POU2F1: variants seen among roughly 807,000 people sequenced by gnomAD.
POU2F1 encodes POU domain, class 2, transcription factor 1.
In POU2F1, 16 loss-of-function variants were observed where a neutral mutation model predicts 84.9. The ratio of observed to expected loss-of-function variants is 0.19; its 90% CI spans 0.13 to 0.29. The LOEUF (loss-of-function observed/expected upper bound fraction) is 0.29. POU2F1 is among the 10% of genes least tolerant of loss of function. POU2F1 has a pLI of 1.00. For synonymous variants in POU2F1, 368 were observed against 368.3 expected, an observed-to-expected ratio of 1.00 and a Z score of 0.01; for missense variants, 738 against 942.6, an observed-to-expected ratio of 0.78 and a Z score of 2.84.
chr1:167,353,564 C>T (rs1034803144), intron 2 of POU2F1, among the ~76,000 whole-genome samples: 2 of 152,084 alleles, frequency 1.3e-5, no homozygotes, highest in African/African-American at 4.8e-5. Flanking sequence ...CCCTATCTGC[C>T]CCTTTGAATT....
At chr1:167,314,029 T>G (rs996975841) in intron 1 of POU2F1, among the ~76,000 whole-genome samples, 2 of 152,034 alleles carry the variant, frequency 1.3e-5, no homozygotes, top group African/African-American at 4.8e-5. Context: ...AAACCTCGTC[T>G]CTACTGAAAA....
chr1:167,226,402 C>T (rs370291151), intron 1 of POU2F1, among the ~76,000 whole-genome samples: 18 of 152,214 alleles, frequency 1.2e-4, no homozygotes, highest in African/African-American at 2.9e-4. Context: ...ATGCATCTTT[C>T]GCTGGACATT....
chr1:167,398,248 A>T lies in POU2F1; in HGVS notation c.1269+115A>T. Reference sequence around the variant, plus strand: ...GACATGTCAGCCTCTGCTCTTATGGATGATTATAAATAGGTGAAGTAAGTA... The same window carrying T: ...GACATGTCAGCCTCTGCTCTTATGGTTGATTATAAATAGGTGAAGTAAGTA... On this transcript the variant is annotated intron_variant, in intron 11 of 15. Transcript: ENST00000367866. 4 of 1,230,912 alleles carry T rather than the reference A, an allele frequency of 3.2e-6. No individual in the cohort carries two copies. In the South Asian group the frequency reaches 4.6e-5, roughly 14 times the overall value. The allele number at this position is 1,230,912 out of a possible 1,614,324, so 76.2% of individuals were successfully genotyped here. A position where few individuals can be genotyped will look rare whatever the true frequency, so the allele number is the denominator to read the frequency against.
intron 2 of POU2F1, 92 bp downstream of exon 2, chr1:167,332,627 C>G: frequency 1.0e-6 from 1 of 989,554 alleles, no homozygotes; most frequent in Non-Finnish European, 1.5e-6. Context: ...TTGGCAAATA[C>G]AGACCAATTT....
chr1:167,289,651 T>C (rs537303238), intron 1 of POU2F1, among the ~76,000 whole-genome samples: 21 of 152,356 alleles, frequency 1.4e-4, no homozygotes, highest in Admixed American at 9.8e-4. Context: ...TTTGTGGAAA[T>C]TAATTTTGAT....
At position 167,401,542 on chromosome 1, in the gene POU2F1, A is replaced by C. The variant is rs761884757; in HGVS notation, c.1541A>C (p.Asn514Thr). The C allele has an allele frequency of 3.9e-5, 62 of 1,606,196 alleles. 1 individual carries two copies. The East Asian group carries it at 1.4e-3, about 36-fold the overall frequency. Residue 514 changes from asparagine to threonine, a missense_variant, in exon 13 of 16, where the codon AAT (asparagine) becomes ACT (threonine). This residue lies in a region of POU2F1 where 319 missense variants were observed against 386.0 expected (regional missense o/e 0.83). Coordinates refer to ENST00000367866, the MANE Select transcript of POU2F1 (RefSeq NM_002697.4). ...CCTCTGACCAGTGCTGCTGTGACGA[A>C]TCTTTCAGTTACAGGTAAGCAGCTG... ...VLPLTSAAVT[N>T]LSVTGTSDTT...
intron 1 of POU2F1, among the ~76,000 whole-genome samples, chr1:167,295,227 A>AT (rs1361276774): frequency 6.6e-6 from 1 of 152,180 alleles, no homozygotes; most frequent in Non-Finnish European, 1.5e-5. Context: ...ACGCCTACAC[A>AT]TGCATGTTTA....
rs150020698 is a variant in POU2F1 at position 167,403,876 on chromosome 1, A to G, written c.1555+2320A>G. Among the ~76,000 whole-genome samples, 76 of 152,344 alleles carry G rather than the reference A, an allele frequency of 5.0e-4. 1 individual carries two copies. The East Asian group carries it at 8.7e-3, about 17-fold the overall frequency. ...GGAGGTAAAACTTCTAAATACATGT[A>G]TAACTGAGAAGTATTTATTTTGCCT... On this transcript the variant is annotated intron_variant, in intron 13 of 15. Coordinates refer to ENST00000367866, the MANE Select transcript of POU2F1 (RefSeq NM_002697.4).
intron 1 of POU2F1, among the ~76,000 whole-genome samples, chr1:167,307,530 G>GT (rs571821457): frequency 1.4e-3 from 214 of 150,092 alleles, no homozygotes; most frequent in Non-Finnish European, 1.8e-3. Context: ...TTTCTTTGCT[G>GT]TTTTTTTAAA....
intron 13 of POU2F1, among the ~76,000 whole-genome samples, chr1:167,403,310 T>C (rs906236810): frequency 6.6e-6 from 1 of 152,230 alleles, no homozygotes; most frequent in African/African-American, 2.4e-5. Context: ...CAGTATTTGA[T>C]TGCAGCCTTG....
At chr1:167,230,021 C>T (rs1648940629) in intron 1 of POU2F1, among the ~76,000 whole-genome samples, 1 of 152,238 alleles carries the variant, frequency 6.6e-6, no homozygotes, top group Non-Finnish European at 1.5e-5. Flanking sequence ...ACCACAAATA[C>T]AGCATATTAT....
At chr1:167,254,505 T>C (rs1348748491) in intron 1 of POU2F1, among the ~76,000 whole-genome samples, 3 of 152,142 alleles carry the variant, frequency 2.0e-5, no homozygotes, top group Non-Finnish European at 2.9e-5. Context: ...GTCATAGTCA[T>C]GTTTCACATG....
chr1:167,266,117 A>G (rs760956373), intron 1 of POU2F1, among the ~76,000 whole-genome samples: 11 of 152,242 alleles, frequency 7.2e-5, no homozygotes, highest in Non-Finnish European at 1.5e-4. Context: ...GTTTGCATTT[A>G]TATGATTCTG....
At position 167,283,346 on chromosome 1, in the gene POU2F1, G is replaced by A. The variant is rs570617657; in HGVS notation, c.62-49124G>A. Among the ~76,000 whole-genome samples, 63 of 152,094 alleles carry A rather than the reference G, an allele frequency of 4.1e-4. 1 individual carries two copies. Among genetic ancestry groups the A allele is most frequent in the African/African-American group, 1.5e-3 (62 of 41,502 alleles). ...GAAGAAGAGTATGGACAGAGAACAT[G>A]GGCCAACAAAGCCTGAAATATTTAC... On this transcript the variant is annotated intron_variant, in intron 1 of 15. Coordinates refer to ENST00000367866, the MANE Select transcript of POU2F1 (RefSeq NM_002697.4).
At chr1:167,332,727 GCTTC>G (rs1657158654) in intron 2 of POU2F1, among the ~76,000 whole-genome samples, 192 bp downstream of exon 2, 1 of 152,208 alleles carries the variant, frequency 6.6e-6, no homozygotes, top group Admixed American at 6.5e-5. Flanking sequence ...TCTGCAGGCA[GCTTC>G]GTTGTTTTGC....
chr1:167,319,985 G>A (rs1315697353), intron 1 of POU2F1, among the ~76,000 whole-genome samples: 2 of 152,202 alleles, frequency 1.3e-5, no homozygotes, highest in South Asian at 2.1e-4. Flanking sequence ...TCTGGCATTA[G>A]ATATTGCAGT....
At chr1:167,376,766 T>TAA (rs1345564350) in intron 7 of POU2F1, among the ~76,000 whole-genome samples, 9 of 152,112 alleles carry the variant, frequency 5.9e-5, no homozygotes, top group African/African-American at 1.9e-4. Context: ...TATTTCTGAG[T>TAA]GGGTTTTTTT....
At chr1:167,245,778 A>G (rs1199028049) in intron 1 of POU2F1, among the ~76,000 whole-genome samples, 9 of 152,326 alleles carry the variant, frequency 5.9e-5, no homozygotes, top group South Asian at 2.1e-4. Flanking sequence ...GCTAGTCTCA[A>G]ACTCCTGGGC....
intron 2 of POU2F1, among the ~76,000 whole-genome samples, chr1:167,362,943 G>C (rs1276760545): frequency 2.0e-5 from 3 of 151,974 alleles, no homozygotes; most frequent in African/African-American, 7.3e-5. Flanking sequence ...AACCTGGGAG[G>C]GGCAGTCTCT....
Sources: gnomAD v4.1 joint callset for allele counts (sites outside exome capture counted in the v4.1 genomes callset) on GRCh38, gnomAD v4.1.1 for gene constraint, gnomAD v4.1.1 regional missense constraint, MANE v1.5 for transcripts, NCBI Gene and HGNC (gene_info 2026-07-23, HGNC 2026-07-21) for gene names.